Variants in CNTNAP5 observed in about 807,000 individuals in gnomAD.
CNTNAP5 encodes the protein contactin associated protein family member 5, also known as contactin-associated protein-like 5.
In CNTNAP5, 72 loss-of-function variants were observed where a neutral mutation model predicts 150.2. The observed-to-expected ratio is 0.48, with a 90% CI of 0.40 to 0.58. The LOEUF (loss-of-function observed/expected upper bound fraction) is 0.58. Ranked by LOEUF, CNTNAP5 falls within the 20% of genes least tolerant of loss-of-function variation. The pLI, the probability that CNTNAP5 is intolerant of heterozygous loss-of-function variation, is 0.00. For synonymous variants in CNTNAP5, 672 were observed against 619.8 expected (o/e 1.08, Z -1.25); for missense variants, 1,636 against 1,626.2 (o/e 1.01, Z -0.10).
At chr2:124,380,855 A>T (rs1330957575) in intron 3 of CNTNAP5, among the ~76,000 whole-genome samples, 1 of 152,212 alleles carries the variant, frequency 6.6e-6, no homozygotes, top group Non-Finnish European at 1.5e-5. Flanking sequence ...GAAAACAAGG[A>T]AACAAGCATG....
rs115955321 is a variant in CNTNAP5 at position 124,584,877 on chromosome 2, G to T, written c.1756+21554G>T. The stretch of plus-strand genomic sequence containing the variant: ...AGTTTTTTGTTTTCCGCATTTAGAG[G>T]CGAAAGCATGGAGCGTAGAGTCAAG... On this transcript the variant is annotated intron_variant, in intron 11 of 23. Coordinates refer to ENST00000682447, the MANE Select transcript of CNTNAP5 (RefSeq NM_001367498.1). Among the ~76,000 whole-genome samples, 997 of 152,284 alleles carry T rather than the reference G, an allele frequency of 6.5e-3. 11 individuals carry two copies. The highest frequency in any genetic ancestry group is 0.023 in the African/African-American group (950 of 41,558).
chr2:124,850,187 A>G (rs1683126342), intron 19 of CNTNAP5, among the ~76,000 whole-genome samples: 1 of 152,342 alleles, frequency 6.6e-6, no homozygotes, highest in East Asian at 1.9e-4. Context: ...CAGTAAAAAT[A>G]GGTCACTAAT....
chr2:124,629,285 C>T (rs116239154), intron 12 of CNTNAP5, among the ~76,000 whole-genome samples: 1 of 152,110 alleles, frequency 6.6e-6, no homozygotes, highest in Admixed American at 6.6e-5. Flanking sequence ...AGGGCACTTA[C>T]TCTAAAATTG....
chr2:124,414,712 T>C (rs1356762746), intron 3 of CNTNAP5, among the ~76,000 whole-genome samples: 2 of 149,108 alleles, frequency 1.3e-5, no homozygotes, highest in Non-Finnish European at 3.0e-5. Flanking sequence ...GATGTGTGTA[T>C]GTGTGTGTGC....
intron 13 of CNTNAP5, among the ~76,000 whole-genome samples, chr2:124,693,557 A>G (rs1292925097): frequency 1.3e-5 from 2 of 152,090 alleles, no homozygotes; most frequent in African/African-American, 2.4e-5. Context: ...AACCATTGAT[A>G]TCCATTAAGT....
chr2:124,680,447 T>C (rs1164174802), intron 13 of CNTNAP5, among the ~76,000 whole-genome samples: 2 of 152,002 alleles, frequency 1.3e-5, no homozygotes, highest in African/African-American at 4.8e-5. Context: ...TGACACACAG[T>C]GGGCTCCCAG....
At chr2:124,236,783 G>C (rs1248073295) in intron 2 of CNTNAP5, among the ~76,000 whole-genome samples, 2 of 151,908 alleles carry the variant, frequency 1.3e-5, no homozygotes, top group Non-Finnish European at 1.5e-5. Flanking sequence ...TTTCCTATAG[G>C]GTTTATTTTA....
intron 2 of CNTNAP5, among the ~76,000 whole-genome samples, chr2:124,223,238 TCGCTTCA>T (rs1414158125): frequency 1.3e-5 from 2 of 152,196 alleles, no homozygotes; most frequent in African/African-American, 4.8e-5. Flanking sequence ...CGTTAACAAA[TCGCTTCA>T]CTAGTACAGA....
intron 3 of CNTNAP5, among the ~76,000 whole-genome samples, chr2:124,244,708 C>T (rs1346943394): frequency 6.6e-6 from 1 of 152,100 alleles, no homozygotes; most frequent in Non-Finnish European, 1.5e-5. Flanking sequence ...ATACCATGAC[C>T]GGTCATGTAC....
chr2:124,438,978 C>A (rs1692609087), intron 5 of CNTNAP5, among the ~76,000 whole-genome samples: 2 of 152,076 alleles, frequency 1.3e-5, no homozygotes, highest in Admixed American at 1.3e-4. Context: ...GGGATTATAA[C>A]CTTATTCAAT....
chr2:124,169,573 A>C (rs1919844), intron 1 of CNTNAP5, among the ~76,000 whole-genome samples: 147,370 of 152,156 alleles, frequency 0.97, 71,544 homozygotes, highest in East Asian at 1. Flanking sequence ...AAAGTAATAA[A>C]TCGTAATGCA....
chr2:124,692,543 A>C (rs1454424200), intron 13 of CNTNAP5, among the ~76,000 whole-genome samples: 1 of 152,090 alleles, frequency 6.6e-6, no homozygotes, highest in Non-Finnish European at 1.5e-5. Context: ...TTATCCATGG[A>C]GGTTGGAAGG....
intron 14 of CNTNAP5, among the ~76,000 whole-genome samples, chr2:124,758,235 GAA>G (rs1484068254): frequency 6.6e-6 from 1 of 152,082 alleles, no homozygotes; most frequent in Non-Finnish European, 1.5e-5. Context: ...AGAAAGAAAT[GAA>G]GACTCTTATG....
intron 19 of CNTNAP5, among the ~76,000 whole-genome samples, chr2:124,850,409 G>C (rs191244968): frequency 1.3e-5 from 2 of 152,292 alleles, no homozygotes; most frequent in Admixed American, 1.3e-4. Context: ...AGAGGGCCAT[G>C]TGACATGAGG....
intron 1 of CNTNAP5, among the ~76,000 whole-genome samples, chr2:124,115,653 T>G (rs1480380715): frequency 6.7e-6 from 1 of 149,602 alleles, no homozygotes; most frequent in African/African-American, 2.5e-5. Flanking sequence ...ATAGTCTTTT[T>G]TTTTTTTTTT....
intron 19 of CNTNAP5, among the ~76,000 whole-genome samples, chr2:124,836,690 T>G (rs1384693285): frequency 2.0e-5 from 3 of 152,112 alleles, no homozygotes; most frequent in Admixed American, 6.6e-5. Flanking sequence ...TTGAGTGTTC[T>G]GCTGATGAAT....
intron 3 of CNTNAP5, among the ~76,000 whole-genome samples, chr2:124,289,513 G>A (rs940495187): frequency 6.6e-6 from 1 of 152,142 alleles, no homozygotes; most frequent in Non-Finnish European, 1.5e-5. Context: ...TAAAATAAAA[G>A]TCTATTTCTT....
At chr2:124,311,272 A>T (rs1432214557) in intron 3 of CNTNAP5, among the ~76,000 whole-genome samples, 2 of 152,164 alleles carry the variant, frequency 1.3e-5, no homozygotes, top group Non-Finnish European at 2.9e-5. Context: ...ATATTCTTAC[A>T]ATTCTGGAAG....
At chr2:124,128,175 A>G (rs1683759361) in intron 1 of CNTNAP5, among the ~76,000 whole-genome samples, 1 of 152,230 alleles carries the variant, frequency 6.6e-6, no homozygotes, top group African/African-American at 2.4e-5. Context: ...ACAAAGGACT[A>G]GTATCAAGAA....
Sources: gnomAD v4.1 joint callset for allele counts (sites outside exome capture counted in the v4.1 genomes callset) on GRCh38, gnomAD v4.1.1 for gene constraint, MANE v1.5 for transcripts, NCBI Gene and HGNC (gene_info 2026-07-23, HGNC 2026-07-21) for gene names.